HCN1: variants seen among roughly 807,000 people sequenced by gnomAD.
HCN1 encodes the protein hyperpolarization activated cyclic nucleotide gated potassium channel 1, also known as potassium/sodium hyperpolarization-activated cyclic nucleotide-gated channel 1.
A neutral mutation model predicts 78.9 loss-of-function variants in HCN1; 13 were observed. The ratio of observed to expected loss-of-function variants is 0.16; its 90% CI spans 0.11 to 0.26. The LOEUF is 0.26. HCN1 is among the 10% of genes least tolerant of loss of function. HCN1 has a pLI of 1.00. For synonymous variants in HCN1, 552 were observed against 455.5 expected (o/e 1.21, Z -2.70); for missense variants, 810 against 1,154.3 (o/e 0.70, Z 4.32).
intron 2 of HCN1, among the ~76,000 whole-genome samples, chr5:45,569,806 T>G (rs776687926): frequency 1.3e-5 from 2 of 152,082 alleles, no homozygotes; most frequent in Non-Finnish European, 2.9e-5. Flanking sequence ...GTAGATTATG[T>G]GGGCATCATT....
intron 1 of HCN1, among the ~76,000 whole-genome samples, chr5:45,650,075 C>T (rs1038882704): frequency 6.6e-6 from 1 of 151,860 alleles, no homozygotes; most frequent in Non-Finnish European, 1.5e-5. Flanking sequence ...TTCATCCTGC[C>T]CCAGAGAAAA....
intron 3 of HCN1, among the ~76,000 whole-genome samples, chr5:45,428,834 TA>T (rs1216088455): frequency 6.6e-6 from 1 of 152,016 alleles, no homozygotes; most frequent in East Asian, 1.9e-4. Flanking sequence ...ATTAAAAAGC[TA>T]AATAAAATAT....
intron 5 of HCN1, among the ~76,000 whole-genome samples, chr5:45,347,666 T>C (rs969002976): frequency 1.3e-5 from 2 of 152,048 alleles, no homozygotes; most frequent in Non-Finnish European, 1.5e-5. Context: ...AGAGAAGTGC[T>C]TAAAGGAGCT....
chr5:45,649,504 T>C (rs1745635976), intron 1 of HCN1, among the ~76,000 whole-genome samples: 1 of 152,094 alleles, frequency 6.6e-6, no homozygotes, highest in Non-Finnish European at 1.5e-5. Flanking sequence ...TAGAGACATG[T>C]ATATACACCA....
chr5:45,594,040 A>C (rs1744438631), intron 2 of HCN1, among the ~76,000 whole-genome samples: 1 of 152,126 alleles, frequency 6.6e-6, no homozygotes, highest in Non-Finnish European at 1.5e-5. Flanking sequence ...ACACTTTGAG[A>C]GCTACATTAA....
chr5:45,409,947 C>T (rs1739994080), intron 3 of HCN1, among the ~76,000 whole-genome samples: 2 of 151,026 alleles, frequency 1.3e-5, no homozygotes, highest in South Asian at 4.2e-4. Context: ...AGTTACTTGC[C>T]CAAGGTCTGA....
chr5:45,406,215 C>A (rs916710195), intron 3 of HCN1, among the ~76,000 whole-genome samples: 2 of 151,998 alleles, frequency 1.3e-5, no homozygotes. Flanking sequence ...ATTAGCTTTT[C>A]AAGTAAATCA....
intron 1 of HCN1, among the ~76,000 whole-genome samples, chr5:45,647,044 T>G (rs1220993347): frequency 6.6e-6 from 1 of 152,134 alleles, no homozygotes; most frequent in African/African-American, 2.4e-5. Context: ...TAAGAATGAC[T>G]CCTGAAATAA....
At position 45,616,985 on chromosome 5, in the gene HCN1, T is replaced by C. The variant is rs535394757; in HGVS notation, c.849+28200A>G. Among the ~76,000 whole-genome samples the C allele has an allele frequency of 1.1e-3, 167 of 152,160 alleles. 1 individual carries two copies. Among genetic ancestry groups the C allele is most frequent in the African/African-American group, 3.9e-3 (161 of 41,560 alleles). On this transcript the variant is annotated intron_variant, in intron 2 of 7. Transcript: ENST00000303230. ...TGTGACAAAGGCAAGTCTGTGGAAA[T>C]GTTGTTATCATTTATAATGGCAAAC...
intron 5 of HCN1, among the ~76,000 whole-genome samples, chr5:45,352,381 G>T (rs971306444): frequency 4.6e-5 from 7 of 151,720 alleles, no homozygotes; most frequent in Non-Finnish European, 8.8e-5. Context: ...GTTGTGCAGT[G>T]GGGGGAGGGG....
intron 2 of HCN1, among the ~76,000 whole-genome samples, chr5:45,464,736 C>A (rs1741233526): frequency 3.3e-5 from 5 of 151,972 alleles, no homozygotes; most frequent in Admixed American, 2.6e-4. Context: ...TCTTTTGAAC[C>A]CTTATAACTA....
chr5:45,537,361 C>T (rs1246713503), intron 2 of HCN1, among the ~76,000 whole-genome samples: 2 of 150,958 alleles, frequency 1.3e-5, no homozygotes, highest in Admixed American at 6.6e-5. Context: ...AAGCTATTTT[C>T]TGGAAAATCC....
intron 6 of HCN1, among the ~76,000 whole-genome samples, chr5:45,276,794 C>T (rs1745069172): frequency 2.6e-5 from 4 of 151,928 alleles, no homozygotes; most frequent in Admixed American, 1.3e-4. Context: ...TAATTCTGTA[C>T]ATCATTGGTG....
chr5:45,285,700 G>A (rs1745255207), intron 6 of HCN1, among the ~76,000 whole-genome samples: 1 of 151,992 alleles, frequency 6.6e-6, no homozygotes, highest in East Asian at 1.9e-4. Flanking sequence ...AGTGAAAAAA[G>A]ATCTTGATTT....
chr5:45,492,419 AT>A (rs1741905000), intron 2 of HCN1, among the ~76,000 whole-genome samples: 3 of 145,706 alleles, frequency 2.1e-5, no homozygotes, highest in Non-Finnish European at 4.5e-5. Flanking sequence ...ATATATATAT[AT>A]ATAAAATTTG....
At chr5:45,414,408 T>C (rs542356369) in intron 3 of HCN1, among the ~76,000 whole-genome samples, 1 of 152,158 alleles carries the variant, frequency 6.6e-6, no homozygotes, top group African/African-American at 2.4e-5. Flanking sequence ...ATCTTATCTA[T>C]ATGGAGGCAT....
intron 5 of HCN1, among the ~76,000 whole-genome samples, chr5:45,350,756 G>C (rs1227987013): frequency 6.6e-6 from 1 of 151,650 alleles, no homozygotes; most frequent in African/African-American, 2.4e-5. Context: ...GCCAAATCAT[G>C]AGTGAACTCC....
chr5:45,673,624 AT>A (rs1327097214), intron 1 of HCN1, among the ~76,000 whole-genome samples: 1 of 151,592 alleles, frequency 6.6e-6, no homozygotes, highest in Non-Finnish European at 1.5e-5. Flanking sequence ...ATCCCTACTC[AT>A]TAGTGGCTTT....
rs1561076846 is a variant in HCN1 at position 45,257,495 on chromosome 5, C to T, written c.*4426G>A. On this transcript the variant is annotated 3_prime_UTR_variant, in exon 8 of 8. Coordinates refer to ENST00000303230, the MANE Select transcript of HCN1 (RefSeq NM_021072.4). ...CATTATCTGTAGGTTCTTTTAAGAT[C>T]ATCTTTAAATAATTTTCAAGGTGGG... 1 of 152,106 alleles carries T rather than the reference C, an allele frequency of 6.6e-6. No individual in the cohort carries two copies. The highest frequency in any genetic ancestry group is 1.5e-5 in the Non-Finnish European group (1 of 68,030). 9.4% of individuals were successfully genotyped at this position (152,106 alleles called of 1,614,324 possible). A position where few individuals can be genotyped will look rare whatever the true frequency, so the allele number is the denominator to read the frequency against.
Sources: gnomAD v4.1 joint callset for allele counts (sites outside exome capture counted in the v4.1 genomes callset) on GRCh38, gnomAD v4.1.1 for gene constraint, MANE v1.5 for transcripts, NCBI Gene and HGNC (gene_info 2026-07-23, HGNC 2026-07-21) for gene names.